MALRD1: variants seen among roughly 807,000 people sequenced by gnomAD.
The protein encoded by MALRD1 is MAM and LDL receptor class A domain containing 1, also known as MAM and LDL-receptor class A domain-containing protein 1.
Under a neutral mutation model 242.1 loss-of-function variants are expected in MALRD1, and 247 were observed. The ratio of observed to expected loss-of-function variants is 1.02; its 90% CI spans 0.92 to 1.13. The LOEUF is 1.13. Ranked by LOEUF, MALRD1 falls within the 50% of genes most tolerant of loss-of-function variation. The pLI is 0.00. For missense variants in MALRD1, 2,989 were observed against 2,533.1 expected (o/e 1.18, Z -3.86); for synonymous variants, 995 against 866.6 (o/e 1.15, Z -2.60).
At chr10:19,227,907 A>T (rs1837869886) in intron 18 of MALRD1, among the ~76,000 whole-genome samples, 1 of 152,226 alleles carries the variant, frequency 6.6e-6, no homozygotes, top group Non-Finnish European at 1.5e-5. Context: ...AGTTAAAACC[A>T]CATTGAGATA....
intron 5 of MALRD1, among the ~76,000 whole-genome samples, chr10:19,114,348 A>G (rs1019817319): frequency 6.6e-6 from 1 of 152,234 alleles, no homozygotes; most frequent in Non-Finnish European, 1.5e-5. Flanking sequence ...AAGTTCTAAC[A>G]TAGCCGTCTT....
chr10:19,177,004 C>T (rs1328865335), intron 14 of MALRD1, among the ~76,000 whole-genome samples: 3 of 151,932 alleles, frequency 2.0e-5, no homozygotes, highest in African/African-American at 4.8e-5. Flanking sequence ...TGGCCAGGCA[C>T]GGTGGCTCAC....
intron 38 of MALRD1, among the ~76,000 whole-genome samples, chr10:19,718,699 T>C (rs1348410343): frequency 6.6e-6 from 1 of 152,224 alleles, no homozygotes; most frequent in Non-Finnish European, 1.5e-5. Flanking sequence ...TGAATAATGC[T>C]GTGTCAAGTA....
intron 28 of MALRD1, among the ~76,000 whole-genome samples, chr10:19,435,743 G>A (rs1216021501): frequency 6.6e-6 from 1 of 152,058 alleles, no homozygotes; most frequent in East Asian, 1.9e-4. Flanking sequence ...CTGGAAAGTT[G>A]CTGTCCCTTA....
chr10:19,596,406 A>T (rs960171482), intron 34 of MALRD1, among the ~76,000 whole-genome samples: 17 of 152,152 alleles, frequency 1.1e-4, no homozygotes, highest in African/African-American at 3.9e-4. Flanking sequence ...GTATAGTAAA[A>T]GGCAGTTTGA....
At chr10:19,727,057 T>C (rs1345240382) in intron 38 of MALRD1, among the ~76,000 whole-genome samples, 1 of 152,186 alleles carries the variant, frequency 6.6e-6, no homozygotes, top group Non-Finnish European at 1.5e-5. Context: ...TGGCATTGAA[T>C]TGTATACTTG....
At chr10:19,441,078 A>AT (rs1277429951) in intron 28 of MALRD1, among the ~76,000 whole-genome samples, 1 of 152,012 alleles carries the variant, frequency 6.6e-6, no homozygotes, top group Non-Finnish European at 1.5e-5. Flanking sequence ...TTTGATTTGC[A>AT]TTTCTCTGAT....
At chr10:19,724,348 A>G (rs1480457272) in intron 38 of MALRD1, among the ~76,000 whole-genome samples, 2 of 152,242 alleles carry the variant, frequency 1.3e-5, no homozygotes, top group African/African-American at 4.8e-5. Context: ...TAAAGTTAAT[A>G]GAAAACACTC....
At chr10:19,157,570 C>G (rs912100604) in intron 12 of MALRD1, among the ~76,000 whole-genome samples, 3 of 151,996 alleles carry the variant, frequency 2.0e-5, no homozygotes, top group African/African-American at 7.2e-5. Flanking sequence ...ATAAAAGTTA[C>G]AGAATAAGCA....
At chr10:19,191,239 A>C (rs1301151518) in intron 14 of MALRD1, among the ~76,000 whole-genome samples, 1 of 152,224 alleles carries the variant, frequency 6.6e-6, no homozygotes, top group African/African-American at 2.4e-5. Context: ...AACATTAGGG[A>C]AATGCAAATC....
chr10:19,288,398 T>C (rs1056676494), intron 21 of MALRD1, among the ~76,000 whole-genome samples: 1 of 152,090 alleles, frequency 6.6e-6, no homozygotes, highest in Non-Finnish European at 1.5e-5. Context: ...TCATTCTTTC[T>C]ATTTTTTATA....
At chr10:19,178,169 G>T (rs1564446432) in intron 14 of MALRD1, among the ~76,000 whole-genome samples, 1 of 152,112 alleles carries the variant, frequency 6.6e-6, no homozygotes, top group Non-Finnish European at 1.5e-5. Context: ...AGGATTCATG[G>T]ATATGTGCAT....
chr10:19,413,267 C>T (rs72784334), intron 28 of MALRD1, among the ~76,000 whole-genome samples: 18,469 of 152,078 alleles, frequency 0.12, 1,300 homozygotes, highest in East Asian at 0.24. Context: ...AATGATTTGA[C>T]CATGATTATA....
intron 21 of MALRD1, among the ~76,000 whole-genome samples, chr10:19,316,223 A>G (rs576751081): frequency 1.1e-4 from 17 of 151,906 alleles, no homozygotes; most frequent in South Asian, 6.2e-4. Context: ...TTCCAGAGCA[A>G]TGCCATACAG....
At chr10:19,417,112 CTT>C (rs1833540589) in intron 28 of MALRD1, among the ~76,000 whole-genome samples, 1 of 152,164 alleles carries the variant, frequency 6.6e-6, no homozygotes, top group Non-Finnish European at 1.5e-5. Flanking sequence ...ATTCTTATCT[CTT>C]TTTCCATCTG....
chr10:19,573,922 T>C, intron 33 of MALRD1, among the ~76,000 whole-genome samples: 1 of 152,052 alleles, frequency 6.6e-6, no homozygotes, highest in East Asian at 1.9e-4. Flanking sequence ...CCTGACTAGG[T>C]TTTGTTGTTA....
intron 34 of MALRD1, among the ~76,000 whole-genome samples, chr10:19,597,926 G>A (rs921798156): frequency 6.6e-6 from 1 of 152,192 alleles, no homozygotes; most frequent in East Asian, 1.9e-4. Flanking sequence ...TGTTGCAGGA[G>A]CAGAGAACAG....
At chr10:19,727,516 G>A (rs1323984186) in intron 38 of MALRD1, among the ~76,000 whole-genome samples, 6 of 152,114 alleles carry the variant, frequency 3.9e-5, no homozygotes, top group Middle Eastern at 3.2e-3. Context: ...GTATCTGCAC[G>A]TAATGGATAT....
At chr10:19,447,974 A>G (rs1835096257) in intron 28 of MALRD1, among the ~76,000 whole-genome samples, 1 of 152,182 alleles carries the variant, frequency 6.6e-6, no homozygotes, top group South Asian at 2.1e-4. Context: ...TGATCTATCT[A>G]TAAACTGTTA....
Sources: gnomAD v4.1 joint callset for allele counts (sites outside exome capture counted in the v4.1 genomes callset) on GRCh38, gnomAD v4.1.1 for gene constraint, MANE v1.5 for transcripts, NCBI Gene and HGNC (gene_info 2026-07-23, HGNC 2026-07-21) for gene names.